ZBTB8A: variants seen among roughly 807,000 people sequenced by gnomAD.
ZBTB8A encodes the protein zinc finger and BTB domain-containing protein 8A.
Under a neutral mutation model 37.8 loss-of-function variants are expected in ZBTB8A, and 19 were observed. The observed-to-expected ratio is 0.50, with a 90% CI of 0.35 to 0.74. ZBTB8A has a LOEUF of 0.74. Ranked by LOEUF, ZBTB8A falls within the 30% of genes least tolerant of loss-of-function variation. ZBTB8A has a pLI of 0.01. For synonymous variants in ZBTB8A, 181 were observed against 185.2 expected (o/e 0.98, Z 0.19); for missense variants, 394 against 537.8 (o/e 0.73, Z 2.65).
At chr1:32,592,432 T>C (rs1644496857) in intron 2 of ZBTB8A, among the ~76,000 whole-genome samples, 1 of 151,876 alleles carries the variant, frequency 6.6e-6, no homozygotes, top group South Asian at 2.1e-4. Flanking sequence ...CCCAGCTACT[T>C]GGGAGGCTGA....
chr1:32,591,710 C>G (rs188305718), intron 2 of ZBTB8A, among the ~76,000 whole-genome samples: 1 of 151,800 alleles, frequency 6.6e-6, no homozygotes, highest in Admixed American at 6.6e-5. Context: ...CCTAGGAGTT[C>G]AAGACCAGCC....
chr1:32,554,339 T>A (rs946058317), intron 2 of ZBTB8A, among the ~76,000 whole-genome samples: 26 of 151,702 alleles, frequency 1.7e-4, no homozygotes, highest in African/African-American at 6.3e-4. Context: ...TGATTGCTAA[T>A]TTTTTTTAAT....
At position 32,601,587 on chromosome 1, in the gene ZBTB8A, G is replaced by A. The variant is rs140745159; in HGVS notation, c.*1168G>A. Reference sequence around the variant, plus strand: ...CTCTCTCATGTATTTTCTCAGTGAGGTGGATACTATCTCCGATTTACAAAT... The same window carrying A: ...CTCTCTCATGTATTTTCTCAGTGAGATGGATACTATCTCCGATTTACAAAT... On this transcript the variant is annotated 3_prime_UTR_variant, in exon 5 of 5. Transcript: ENST00000373510. 122 of 398,516 alleles carry A rather than the reference G, an allele frequency of 3.1e-4. No individual in the cohort carries two copies. Among genetic ancestry groups the A allele is most frequent in the African/African-American group, 2.3e-3 (110 of 48,734 alleles). 24.7% of individuals were successfully genotyped at this position (398,516 alleles called of 1,614,324 possible).
At chr1:32,569,434 C>T (rs1473751173) in intron 2 of ZBTB8A, among the ~76,000 whole-genome samples, 1 of 128,296 alleles carries the variant, frequency 7.8e-6, no homozygotes, top group Non-Finnish European at 1.6e-5. Context: ...TGCTCTGTTG[C>T]CCAGGCTGGA....
intron 2 of ZBTB8A, among the ~76,000 whole-genome samples, chr1:32,566,402 C>G (rs1256707604): frequency 2.0e-5 from 3 of 151,334 alleles, no homozygotes; most frequent in African/African-American, 4.9e-5. Context: ...GCGCATACCT[C>G]TAGTCCCAGT....
intron 2 of ZBTB8A, among the ~76,000 whole-genome samples, chr1:32,590,333 C>G (rs1028845175): frequency 6.6e-6 from 1 of 152,066 alleles, no homozygotes; most frequent in African/African-American, 2.4e-5. Flanking sequence ...CAGTATCTCA[C>G]CTAAGGCCTT....
At position 32,567,164 on chromosome 1, in the gene ZBTB8A, C is replaced by G. The variant is rs546770894; in HGVS notation, c.-2+13624C>G. Among the ~76,000 whole-genome samples, 78 of 152,166 alleles carry G rather than the reference C, an allele frequency of 5.1e-4. 1 individual carries two copies. The highest frequency in any genetic ancestry group is 1.8e-3 in the African/African-American group (74 of 41,538). On this transcript the variant is annotated intron_variant, in intron 2 of 4. Transcript: ENST00000373510. ...AAACTTACAGTGATGGCAAAAGGCA[C>G]AGGGGAAGCAGGCCCATCCTACATG...
chr1:32,584,451 G>A (rs893355149), intron 2 of ZBTB8A, among the ~76,000 whole-genome samples: 12 of 151,138 alleles, frequency 7.9e-5, no homozygotes, highest in Non-Finnish European at 1.6e-4. Context: ...GAAAACAAAA[G>A]GGCACCAATC....
rs1199189181 is a variant in ZBTB8A at position 32,598,432 on chromosome 1, T to A, written c.994-1655T>A. Among the ~76,000 whole-genome samples, 4 of 151,746 alleles carry A rather than the reference T, an allele frequency of 2.6e-5. No individual in the cohort carries two copies. The South Asian group carries it at 8.4e-4, about 32-fold the overall frequency. On this transcript the variant is annotated intron_variant, in intron 4 of 4. Transcript: ENST00000373510. ...ATTTTTTTTTAGTAAAGATGGAGTT[T>A]TACCATATTGGCCAGGCTGATCTCA... is the stretch of plus-strand genomic sequence containing the variant.
chr1:32,554,409 C>T lies in ZBTB8A; in HGVS notation c.-2+869C>T, dbSNP rs183239048. On this transcript the variant is annotated intron_variant, in intron 2 of 4. Coordinates refer to ENST00000373510, the MANE Select transcript of ZBTB8A (RefSeq NM_001040441.3). Reference sequence around the variant, plus strand: ...GTAGTGTATCCTTATGAATGTGGGCCGAATTTCTTTTTTTAACACCCAGCA... The same window carrying T: ...GTAGTGTATCCTTATGAATGTGGGCTGAATTTCTTTTTTTAACACCCAGCA... 5.3e-3 allele frequency among the ~76,000 whole-genome samples: 784 copies of T among 149,300 alleles called. 7 individuals carry two copies. Among genetic ancestry groups the T allele is most frequent in the African/African-American group, 0.017 (693 of 40,690 alleles).
intron 1 of ZBTB8A, among the ~76,000 whole-genome samples, chr1:32,545,405 A>G (rs1362351846): frequency 6.6e-6 from 1 of 152,158 alleles, no homozygotes; most frequent in African/African-American, 2.4e-5. Context: ...TTTAGCGATT[A>G]TCTTATTTAA....
chr1:32,578,050 C>T (rs181135492), intron 2 of ZBTB8A, among the ~76,000 whole-genome samples: 13 of 151,448 alleles, frequency 8.6e-5, no homozygotes, highest in South Asian at 4.2e-4. Context: ...ATTACAGGTG[C>T]GTGCCACCAT....
chr1:32,604,668 A>G lies in ZBTB8A; in HGVS notation c.*4249A>G, dbSNP rs1417585687. ...ATAGTTACTGTTTTCTGTACGGCTAAGTACTGCCTAATGGATGAAAGAAGT... is the reference window on the plus strand; with the variant it reads ...ATAGTTACTGTTTTCTGTACGGCTAGGTACTGCCTAATGGATGAAAGAAGT... On this transcript the variant is annotated 3_prime_UTR_variant, in exon 5 of 5. Coordinates refer to ENST00000373510, the MANE Select transcript of ZBTB8A (RefSeq NM_001040441.3). 5 of 152,198 alleles carry G rather than the reference A, an allele frequency of 3.3e-5. No homozygotes were observed. 9.4% of individuals were successfully genotyped at this position (152,198 alleles called of 1,614,324 possible).
At chr1:32,549,062 G>A (rs1037737490) in intron 1 of ZBTB8A, among the ~76,000 whole-genome samples, 1 of 152,010 alleles carries the variant, frequency 6.6e-6, no homozygotes, top group South Asian at 2.1e-4. Flanking sequence ...ATGGTGGCCC[G>A]CACCTGTAGT....
chr1:32,585,385 T>A (rs926382318), intron 2 of ZBTB8A, among the ~76,000 whole-genome samples: 7 of 151,966 alleles, frequency 4.6e-5, no homozygotes, highest in Admixed American at 1.3e-4. Flanking sequence ...CATACCAGAT[T>A]AATATACAAA....
chr1:32,542,551 G>T (rs989639720), intron 1 of ZBTB8A, among the ~76,000 whole-genome samples: 7 of 152,156 alleles, frequency 4.6e-5, no homozygotes, highest in African/African-American at 1.7e-4. Context: ...TCTAGCCTGG[G>T]CGACAGAGCA....
intron 1 of ZBTB8A, among the ~76,000 whole-genome samples, chr1:32,546,696 T>G (rs1557700176): frequency 6.6e-6 from 1 of 152,142 alleles, no homozygotes; most frequent in African/African-American, 2.4e-5. Context: ...AATGATTGTA[T>G]CAAAAGATGA....
intron 2 of ZBTB8A, among the ~76,000 whole-genome samples, chr1:32,573,601 T>A (rs1644339089): frequency 6.6e-6 from 1 of 150,618 alleles, no homozygotes; most frequent in Admixed American, 6.6e-5. Flanking sequence ...TTTGGCTAAT[T>A]TTTTGTATTT....
At chr1:32,541,485 A>G (rs12127598) in intron 1 of ZBTB8A, among the ~76,000 whole-genome samples, 17,307 of 152,178 alleles carry the variant, frequency 0.11, 1,084 homozygotes, top group African/African-American at 0.18. Context: ...TTCCTCAACT[A>G]TAGTTTTGAT....
Sources: allele counts gnomAD v4.1 joint callset (sites outside exome capture counted in the v4.1 genomes callset), GRCh38; gene constraint gnomAD v4.1.1; transcripts MANE v1.5; gene names NCBI Gene and HGNC (gene_info 2026-07-23, HGNC 2026-07-21).